The following THBS2 variants were observed in gnomAD, a reference collection of about 807,000 sequenced individuals.
THBS2 encodes thrombospondin-2.
Under a neutral mutation model 135.2 loss-of-function variants are expected in THBS2, and 47 were observed. The observed-to-expected ratio is 0.35, with a 90% CI of 0.28 to 0.44. The LOEUF is 0.44. THBS2 is among the 20% of genes least tolerant of loss of function. The probability of loss-of-function intolerance (pLI) is 1.00; values close to 1 mark genes in which losing one functional copy is unlikely to be tolerated. For missense variants in THBS2, 1,288 were observed against 1,603.1 expected, an observed-to-expected ratio of 0.80 and a Z score of 3.36; for synonymous variants, 639 against 633.8, an observed-to-expected ratio of 1.01 and a Z score of -0.12.
chr6:169,221,505 G>A lies in THBS2; in HGVS notation c.3296C>T (p.Pro1099Leu), dbSNP rs140852957. 17,674 of 1,613,928 alleles carry A rather than the reference G, an allele frequency of 0.011. 121 individuals carry two copies. The highest frequency in any genetic ancestry group is 0.013 in the Non-Finnish European group (14,847 of 1,180,004). The change falls in exon 20 of 22, where the codon CCC becomes CTC. Residue 1099 changes from proline (P) to leucine (L), a missense_variant. Physicochemically the swap from Pro to Leu is moderately conservative, Grantham distance 98 (BLOSUM62 -3). This residue lies in a region of THBS2 where 874 missense variants were observed against 1,156.1 expected (regional missense o/e 0.76). Coordinates refer to ENST00000617924, the MANE Select transcript of THBS2 (RefSeq NM_003247.5). ...PGQVRTLWHD[P>L]RNIGWKDYTA... ...GTAGTCCTTCCAGCCAATGTTCCTG[G>A]GGTCGTGCCATAAGGTTCGCACCTG...
rs143809193 is a variant in THBS2 at position 169,248,586 on chromosome 6, G to A, written c.440C>T (p.Ser147Leu). The A allele has an allele frequency of 8.7e-6, 14 of 1,614,002 alleles. No individual in the cohort carries two copies. Among genetic ancestry groups the A allele is most frequent in the South Asian group, 3.3e-5 (3 of 91,088 alleles). ...VSLEDVGLADSQWKNVTVQVA... is the reference protein window; with the variant it reads ...VSLEDVGLADLQWKNVTVQVA... Reference sequence around the variant, plus strand: ...CTGCACGGTGACGTTCTTCCACTGCGAGTCAGCCAGGCCGACGTCCTCCAG... The same window carrying A: ...CTGCACGGTGACGTTCTTCCACTGCAAGTCAGCCAGGCCGACGTCCTCCAG... The change falls in exon 3 of 22, where the codon TCG becomes TTG. Residue 147 changes from serine to leucine, a missense_variant. Around this residue, in one of 2 missense-constraint regions of THBS2, gnomAD observed 414 missense variants for 447.0 expected, o/e 0.93. Transcript: ENST00000617924.
chr6:169,229,575 C>G lies in THBS2; in HGVS notation c.2256G>C (p.Glu752Asp). The G allele has an allele frequency of 6.2e-7, 1 of 1,613,948 alleles. No individual in the cohort carries two copies. Among genetic ancestry groups the G allele is most frequent in the South Asian group, 1.1e-5 (1 of 91,062 alleles). ...DDDDNDGVTD[E>D]KDNCQLLFNP... Reference sequence around the variant, plus strand: ...GCGCGGCACAAGCTGCTCCTACCTTCTCATCGGTCACACCGTCATTGTCAT... The same window carrying G: ...GCGCGGCACAAGCTGCTCCTACCTTGTCATCGGTCACACCGTCATTGTCAT... The change falls in exon 14 of 22, where the codon GAG becomes GAC. Residue 752 changes from glutamate to aspartate, a missense_variant. Physicochemically the swap from Glu to Asp is conservative, Grantham distance 45. Around this residue, in one of 2 missense-constraint regions of THBS2, gnomAD observed 874 missense variants for 1,156.1 expected, o/e 0.76. Transcript: ENST00000617924.
At chr6:169,237,458 G>GGAGA in intron 8 of THBS2, 112 bp from the exon 9 acceptor site, 2 of 1,493,982 alleles carry the variant, frequency 1.3e-6, no homozygotes, top group Non-Finnish European at 1.8e-6. Flanking sequence ...GGAGAGGGAA[G>GGAGA]GAGAACCCCT....
At chr6:169,221,678 A>G in intron 19 of THBS2, 151 bp from the exon 20 acceptor site, 1 of 699,782 alleles carries the variant, frequency 1.4e-6, no homozygotes, top group South Asian at 1.7e-5. Context: ...TTTATCATCC[A>G]AATCTCTACT....
chr6:169,222,902 T>C (rs988660552), intron 18 of THBS2, among the ~76,000 whole-genome samples: 1 of 152,004 alleles, frequency 6.6e-6, no homozygotes, highest in African/African-American at 2.4e-5. Flanking sequence ...CAGGGCGGGC[T>C]CCCCTCATCA....
chr6:169,226,728 A>G (rs2114984888), intron 15 of THBS2, among the ~76,000 whole-genome samples: 1 of 152,346 alleles, frequency 6.6e-6, no homozygotes, highest in East Asian at 1.9e-4. Flanking sequence ...TAGATGTCAT[A>G]TCTTATCTTA....
rs1278236268 is a variant in THBS2 at position 169,217,638 on chromosome 6, T to TTGA, written c.*181_*183dup. On this transcript the variant is annotated 3_prime_UTR_variant, in exon 22 of 22. Coordinates refer to ENST00000617924, the MANE Select transcript of THBS2 (RefSeq NM_003247.5). ...GTTAGATGTTCATCTCTGAGTTCCA[T>TTGA]TGATATTTATCCTCTGAAGGCACTT... 14 of 564,164 alleles carry TTGA rather than the reference T, an allele frequency of 2.5e-5. No homozygotes were observed. Among genetic ancestry groups the TTGA allele is most frequent in the Non-Finnish European group, 4.0e-5 (13 of 323,502 alleles). 34.9% of individuals were successfully genotyped at this position (564,164 alleles called of 1,614,324 possible).
At chr6:169,251,516 C>T (rs1308375605) in intron 1 of THBS2, among the ~76,000 whole-genome samples, 2 of 152,098 alleles carry the variant, frequency 1.3e-5, no homozygotes, top group Non-Finnish European at 2.9e-5. Context: ...CCCGGCTGGG[C>T]GATTAACCCT....
In THBS2 at chr6:169,218,418, GGATGA is replaced by G. The variant is rs751106733; in HGVS notation, c.3512-594_3512-590del. Reference sequence around the variant, plus strand: ...GGTGGAGATGGATGGGTGGGTGGATGGATGAGATGGATGAGTGGGTGGGTGGGTGG... The same window carrying G: ...GGTGGAGATGGATGGGTGGGTGGATGGATGGATGAGTGGGTGGGTGGGTGG... On this transcript the variant is annotated intron_variant, in intron 21 of 21. Transcript: ENST00000617924. Among the ~76,000 whole-genome samples, 8 of 147,308 alleles carry G rather than the reference GGATGA, an allele frequency of 5.4e-5. No individual in the cohort carries two copies. The East Asian group carries it at 6.2e-4, about 11-fold the overall frequency.
intron 4 of THBS2, among the ~76,000 whole-genome samples, chr6:169,242,422 CTT>C (rs1053371362): frequency 6.6e-6 from 1 of 151,018 alleles, no homozygotes; most frequent in African/African-American, 2.4e-5. Context: ...ACTCTTCATC[CTT>C]TTTTTTTCAT....
chr6:169,248,317 C>T (rs1780628037), intron 3 of THBS2, 100 bp downstream of exon 3: 1 of 1,392,444 alleles, frequency 7.2e-7, no homozygotes, highest in Non-Finnish European at 9.8e-7. Flanking sequence ...TAAGGCCAGG[C>T]TCTGCCTGCT....
intron 3 of THBS2, among the ~76,000 whole-genome samples, chr6:169,248,054 T>A (rs1377742989): frequency 6.6e-6 from 1 of 150,612 alleles, no homozygotes; most frequent in African/African-American, 2.4e-5. Context: ...CGTGTCTGTG[T>A]GTGTGTGTTG....
chr6:169,223,064 G>T (rs1433809775), intron 18 of THBS2, among the ~76,000 whole-genome samples, 184 bp downstream of exon 18: 1 of 152,224 alleles, frequency 6.6e-6, no homozygotes, highest in African/African-American at 2.4e-5. Flanking sequence ...AGACTTCAGA[G>T]CGGCAGGTGC....
chr6:169,219,400 G>T (rs1367726533), intron 21 of THBS2, among the ~76,000 whole-genome samples: 3 of 151,966 alleles, frequency 2.0e-5, no homozygotes. Flanking sequence ...TGGATGGATG[G>T]GTGGATGGAT....
chr6:169,247,428 T>C (rs1272744083), intron 3 of THBS2, among the ~76,000 whole-genome samples: 1 of 152,220 alleles, frequency 6.6e-6, no homozygotes, highest in Admixed American at 6.5e-5. Flanking sequence ...TGTGTGTATG[T>C]ATACGTGTGT....
intron 9 of THBS2, 82 bp downstream of exon 9, chr6:169,237,088 G>T: frequency 6.7e-7 from 1 of 1,483,816 alleles, no homozygotes. Flanking sequence ...CTGACACCCC[G>T]GATCCCGGCT....
Position 169,222,283 on chromosome 6 carries a change from C to G in THBS2, c.3187G>C (p.Val1063Leu). 6.2e-7 allele frequency: 1 copy of G among 1,613,280 alleles called. No homozygotes were observed. Among genetic ancestry groups the G allele is most frequent in the Non-Finnish European group, 8.5e-7 (1 of 1,180,030 alleles). Residue 1063 changes from valine (V) to leucine (L), a missense_variant, in exon 19 of 22, where the codon GTG becomes CTG. Val to Leu is a conservative substitution (Grantham distance 32, BLOSUM62 1). This residue lies in a region of THBS2 where 874 missense variants were observed against 1,156.1 expected (regional missense o/e 0.76). Transcript: ENST00000617924. ...QPTRAYGYSG[V>L]SLKVVNSTTG... is the part of the protein sequence containing the mutation. ...GTGGAGTTCACCACCTTGAGGGACA[C>G]GCCGGAGTAGCCATAGGCCCGCGTG...
intron 9 of THBS2, among the ~76,000 whole-genome samples, chr6:169,236,478 A>C (rs1357712896): frequency 3.1e-5 from 2 of 65,262 alleles, no homozygotes; most frequent in Admixed American, 2.0e-4. Context: ...CTCACTCCCC[A>C]TCCACACTCA....
intron 18 of THBS2, 53 bp downstream of exon 18, chr6:169,223,195 G>T: frequency 6.5e-7 from 1 of 1,545,526 alleles, no homozygotes; most frequent in Non-Finnish European, 8.9e-7. Context: ...CATCTTCTGT[G>T]GGCGCCTCCC....
Sources: allele counts gnomAD v4.1 joint callset (sites outside exome capture counted in the v4.1 genomes callset), GRCh38; gene constraint gnomAD v4.1.1; regional missense constraint gnomAD v4.1.1; transcripts MANE v1.5; gene names NCBI Gene and HGNC (gene_info 2026-07-23, HGNC 2026-07-21).